The following AGPAT2 variants were observed in gnomAD, a reference collection of about 807,000 sequenced individuals.
AGPAT2 encodes the protein 1-acyl-sn-glycerol-3-phosphate acyltransferase beta.
A neutral mutation model predicts 26.1 loss-of-function variants in AGPAT2; 18 were observed. The observed-to-expected ratio is 0.69, with a 90% CI of 0.48 to 1.02. AGPAT2 has a LOEUF of 1.02. AGPAT2 is among the 50% of genes least tolerant of loss of function. The probability of loss-of-function intolerance (pLI) is 0.00; values close to 1 mark genes in which losing one functional copy is unlikely to be tolerated. For synonymous variants in AGPAT2, 200 were observed against 174.2 expected (o/e 1.15, Z -1.16); for missense variants, 415 against 394.9 (o/e 1.05, Z -0.43).
intron 1 of AGPAT2, among the ~76,000 whole-genome samples, chr9:136,683,291 C>T (rs1041227027): frequency 6.6e-6 from 1 of 152,182 alleles, no homozygotes; most frequent in Admixed American, 6.5e-5. Flanking sequence ...CCAATCCCAC[C>T]AGCACCTGGC....
In AGPAT2 at chr9:136,675,615, G is replaced by T. The variant is rs559786665; in HGVS notation, c.589-808C>A. Among the ~76,000 whole-genome samples the T allele has an allele frequency of 2.0e-5, 3 of 151,792 alleles. No homozygotes were observed. The East Asian group carries it at 5.9e-4, about 30-fold the overall frequency. On this transcript the variant is annotated intron_variant, in intron 4 of 5. Coordinates refer to ENST00000371696, the MANE Select transcript of AGPAT2 (RefSeq NM_006412.4). ...CGGGAGCAGGGACGGAAAAGCTGTG[G>T]GTCTCCTGGCTGAAGCTGCACTGCG...
At chr9:136,681,809 C>A (rs536900487) in intron 1 of AGPAT2, among the ~76,000 whole-genome samples, 5 of 152,002 alleles carry the variant, frequency 3.3e-5, no homozygotes, top group East Asian at 3.9e-4. Context: ...CTCACACACA[C>A]AAAAAAAGTG....
intron 2 of AGPAT2, 54 bp from the exon 3 acceptor site, chr9:136,677,190 A>G: frequency 6.3e-7 from 1 of 1,599,002 alleles, no homozygotes. Context: ...CGTGCGCTGG[A>G]AGACAGCTGC....
At chr9:136,680,416 G>C (rs150751760) in intron 1 of AGPAT2, among the ~76,000 whole-genome samples, 8 of 151,960 alleles carry the variant, frequency 5.3e-5, no homozygotes, top group Non-Finnish European at 1.2e-4. Flanking sequence ...TAGTAGAGAC[G>C]GGGTTTCACC....
intron 1 of AGPAT2, among the ~76,000 whole-genome samples, chr9:136,678,312 G>A (rs375269305): frequency 4.6e-5 from 7 of 152,178 alleles, no homozygotes; most frequent in East Asian, 1.9e-4. Context: ...GCAAATGTGA[G>A]GTGGCCTTGT....
At chr9:136,681,031 A>C (rs563377513) in intron 1 of AGPAT2, among the ~76,000 whole-genome samples, 25 of 151,650 alleles carry the variant, frequency 1.6e-4, no homozygotes, top group African/African-American at 6.1e-4. Context: ...ATTTCTCAGC[A>C]CACGGTTCCG....
chr9:136,676,958 C>A lies in AGPAT2; in HGVS notation c.492+3G>T. ...CCCACCGAGCCCGGCCCTGCACACT[C>A]ACGTTCTCCCTGACCATGCGCTCGC... is the stretch of plus-strand genomic sequence containing the variant. On this transcript the variant is annotated splice_donor_region_variant and intron_variant, in intron 3 of 5. Transcript: ENST00000371696. 1 of 1,492,570 alleles carries A rather than the reference C, an allele frequency of 6.7e-7. No individual in the cohort carries two copies. Among genetic ancestry groups the A allele is most frequent in the Non-Finnish European group, 9.1e-7 (1 of 1,102,154 alleles). 92.5% of individuals were successfully genotyped at this position (1,492,570 alleles called of 1,614,324 possible). A position where few individuals can be genotyped will look rare whatever the true frequency, so the allele number is the denominator to read the frequency against.
At chr9:136,678,326 A>G (rs962991676) in intron 1 of AGPAT2, among the ~76,000 whole-genome samples, 6 of 152,154 alleles carry the variant, frequency 3.9e-5, no homozygotes, top group Non-Finnish European at 7.4e-5. Context: ...GCCTTGTCCA[A>G]GCAGCCCGTC....
intron 4 of AGPAT2, 23 bp from the exon 5 acceptor site, chr9:136,674,830 C>G (rs772493118): frequency 1.3e-6 from 2 of 1,533,316 alleles, no homozygotes. Flanking sequence ...AGACGCACAG[C>G]TGAGGCAGCC....
intron 1 of AGPAT2, among the ~76,000 whole-genome samples, chr9:136,686,291 G>A (rs1846220144): frequency 1.3e-5 from 2 of 152,228 alleles, no homozygotes; most frequent in Non-Finnish European, 2.9e-5. Context: ...CATTGCAAAA[G>A]CCACTGGCTG....
In AGPAT2 at chr9:136,687,433, C is replaced by A; in HGVS notation, c.-76G>T. On this transcript the variant is annotated 5_prime_UTR_variant, in exon 1 of 6. Transcript: ENST00000371696. ...CCGCTTCTCCCCCGCGCGCTCAGGC[C>A]CCTTATTGCGAGGGCGGCGGGGCTG... 1 of 1,271,768 alleles carries A rather than the reference C, an allele frequency of 7.9e-7. No homozygotes were observed. The allele number at this position is 1,271,768 out of a possible 1,614,324, so 78.8% of individuals were successfully genotyped here. A position where few individuals can be genotyped will look rare whatever the true frequency, so the allele number is the denominator to read the frequency against.
In AGPAT2 at chr9:136,687,373, C is replaced by T; in HGVS notation, c.-16G>A. On this transcript the variant is annotated 5_prime_UTR_variant, in exon 1 of 6. Transcript: ENST00000371696. The stretch of plus-strand genomic sequence containing the variant: ...ACAGCTCCATGGCCCGGCCCGGCGC[C>T]CGACGGCGCCGCCAGCTCGCTCCCG... 1 of 1,445,590 alleles carries T rather than the reference C, an allele frequency of 6.9e-7. No homozygotes were observed. The highest frequency in any genetic ancestry group is 9.0e-7 in the Non-Finnish European group (1 of 1,106,378). 89.5% of individuals were successfully genotyped at this position (1,445,590 alleles called of 1,614,324 possible).
At chr9:136,681,776 T>A (rs1846164465) in intron 1 of AGPAT2, among the ~76,000 whole-genome samples, 1 of 152,080 alleles carries the variant, frequency 6.6e-6, no homozygotes, top group Non-Finnish European at 1.5e-5. Context: ...TACTCCAGCC[T>A]GGGTGACAGA....
chr9:136,679,525 C>T (rs12002299), intron 1 of AGPAT2, among the ~76,000 whole-genome samples: 12,521 of 152,244 alleles, frequency 0.082, 689 homozygotes, highest in Middle Eastern at 0.18. Context: ...TGGTAGCACC[C>T]GCACACTCAG....
chr9:136,685,066 C>T (rs1262027808), intron 1 of AGPAT2, among the ~76,000 whole-genome samples: 1 of 152,192 alleles, frequency 6.6e-6, no homozygotes, highest in East Asian at 1.9e-4. Context: ...CTGGGGAGCA[C>T]GTGCAGAGGT....
chr9:136,673,535 C>CGAGCCT lies in AGPAT2; in HGVS notation c.*216_*217insAGGCTC, dbSNP rs71675070. 87 of 426,262 alleles carry CGAGCCT rather than the reference C, an allele frequency of 2.0e-4. 1 individual carries two copies. The highest frequency in any genetic ancestry group is 3.2e-4 in the Non-Finnish European group (81 of 250,236). The allele number at this position is 426,262 out of a possible 1,614,324, so 26.4% of individuals were successfully genotyped here. On this transcript the variant is annotated 3_prime_UTR_variant, in exon 6 of 6. Coordinates refer to ENST00000371696, the MANE Select transcript of AGPAT2 (RefSeq NM_006412.4). ...TGCCGTGGGCGCGAGTCCCTGCCCTCGAGCCCGGGGAGGGTCCAGCTGAGC... is the reference window on the plus strand; with the variant it reads ...TGCCGTGGGCGCGAGTCCCTGCCCTCGAGCCTGAGCCCGGGGAGGGTCCAGCTGAGC...
chr9:136,677,612 G>T (rs561494026), intron 1 of AGPAT2, 56 bp from the exon 2 acceptor site: 1 of 1,609,442 alleles, frequency 6.2e-7, no homozygotes, highest in Non-Finnish European at 8.5e-7. Context: ...CCGAGGCTGG[G>T]GCGCGAAGGC....
At chr9:136,682,842 C>G (rs1588267772) in intron 1 of AGPAT2, among the ~76,000 whole-genome samples, 1 of 152,176 alleles carries the variant, frequency 6.6e-6, no homozygotes, top group East Asian at 1.9e-4. Context: ...CTGAGCTCAG[C>G]CCCCAGGCAC....
intron 1 of AGPAT2, among the ~76,000 whole-genome samples, chr9:136,678,180 G>A (rs879698387): frequency 1.1e-4 from 17 of 152,202 alleles, no homozygotes; most frequent in Admixed American, 1.1e-3. Context: ...GGGGCTCGGG[G>A]CTTGTCTGAG....
Sources: allele counts gnomAD v4.1 joint callset (sites outside exome capture counted in the v4.1 genomes callset), GRCh38; gene constraint gnomAD v4.1.1; transcripts MANE v1.5; gene names NCBI Gene and HGNC (gene_info 2026-07-23, HGNC 2026-07-21).